DCP1A: variants seen among roughly 807,000 people sequenced by gnomAD.
DCP1A encodes the protein mRNA-decapping enzyme 1A.
DCP1A carries 20 observed loss-of-function variants against 58.0 expected under a neutral mutation model. The ratio of observed to expected loss-of-function variants is 0.34; its 90% CI spans 0.24 to 0.50. The LOEUF is 0.50. DCP1A is among the 20% of genes least tolerant of loss of function. DCP1A has a pLI of 0.98. For missense variants in DCP1A, 613 were observed against 712.2 expected, an observed-to-expected ratio of 0.86 and a Z score of 1.59; for synonymous variants, 285 against 275.1, an observed-to-expected ratio of 1.04 and a Z score of -0.36.
chr3:53,294,838 C>G (rs73080271), intron 6 of DCP1A, among the ~76,000 whole-genome samples: 25,022 of 152,242 alleles, frequency 0.16, 2,556 homozygotes, highest in Middle Eastern at 0.29. Context: ...GCACTCCTAA[C>G]AACATGGAAA....
At chr3:53,343,332 G>A (rs935413298) in intron 2 of DCP1A, among the ~76,000 whole-genome samples, 1 of 152,114 alleles carries the variant, frequency 6.6e-6, no homozygotes, top group Non-Finnish European at 1.5e-5. Context: ...TTTATCCAAG[G>A]TACGCAAAAT....
chr3:53,345,184 C>T (rs1575627142), intron 1 of DCP1A, among the ~76,000 whole-genome samples: 1 of 152,114 alleles, frequency 6.6e-6, no homozygotes, highest in East Asian at 1.9e-4. Flanking sequence ...TCTGTATCTG[C>T]AGTATTTTTC....
rs1325037355 is a variant in DCP1A, at chr3:53,287,484, G to C, written c.*96C>G. Reference sequence around the variant, plus strand: ...TCTCTTTCTCATAGGCTCAATTTCAGGATTCTCAAACTCAATGTTCTGCTC... The same window carrying C: ...TCTCTTTCTCATAGGCTCAATTTCACGATTCTCAAACTCAATGTTCTGCTC... On this transcript the variant is annotated 3_prime_UTR_variant, in exon 10 of 10. Coordinates refer to ENST00000610213, the MANE Select transcript of DCP1A (RefSeq NM_018403.7). The C allele has an allele frequency of 1.3e-6, 1 of 757,728 alleles. No homozygotes were observed. Among genetic ancestry groups the C allele is most frequent in the African/African-American group, 1.8e-5 (1 of 55,640 alleles). The allele number at this position is 757,728 out of a possible 1,614,324, so 46.9% of individuals were successfully genotyped here.
At chr3:53,319,549 C>T (rs1707903256) in intron 3 of DCP1A, 76 bp from the exon 4 acceptor site, 1 of 895,122 alleles carries the variant, frequency 1.1e-6, no homozygotes, top group African/African-American at 1.7e-5. Flanking sequence ...AATATATTAT[C>T]ATCATGGAAT....
intron 3 of DCP1A, chr3:53,329,440 T>C (rs2088942341): frequency 1.3e-5 from 5 of 398,444 alleles, no homozygotes; most frequent in Non-Finnish European, 2.2e-5. Context: ...CTCTGGCTTT[T>C]GGAGGTAAGT....
rs572068907 is a variant in DCP1A at position 53,331,881 on chromosome 3, T to A, written c.304+10263A>T. 7.2e-4 allele frequency among the ~76,000 whole-genome samples: 109 copies of A among 152,356 alleles called. 1 individual carries two copies. The highest frequency in any genetic ancestry group is 2.6e-3 in the African/African-American group (108 of 41,588). Reference sequence around the variant, plus strand: ...ACTGGTCTTGAGGAAAAACATCTTCTAAGAGAAGTATTACTCGGTGAGGTG... The same window carrying A: ...ACTGGTCTTGAGGAAAAACATCTTCAAAGAGAAGTATTACTCGGTGAGGTG... On this transcript the variant is annotated intron_variant, in intron 3 of 9. Transcript: ENST00000610213.
intron 6 of DCP1A, among the ~76,000 whole-genome samples, chr3:53,302,694 C>T (rs1264667966): frequency 7.2e-5 from 11 of 152,150 alleles, no homozygotes; most frequent in Admixed American, 7.2e-4. Flanking sequence ...GCAATCACGG[C>T]TCACTGCAAC....
intron 6 of DCP1A, among the ~76,000 whole-genome samples, chr3:53,303,258 G>A (rs1397252646): frequency 6.6e-6 from 1 of 151,152 alleles, no homozygotes; most frequent in Non-Finnish European, 1.5e-5. Context: ...TCCAAGGGGT[G>A]TTACTGTTAT....
At chr3:53,335,602 G>A (rs556148315) in intron 3 of DCP1A, among the ~76,000 whole-genome samples, 1 of 152,222 alleles carries the variant, frequency 6.6e-6, no homozygotes, top group South Asian at 2.1e-4. Flanking sequence ...AAATGTTAGA[G>A]TTTATAATTC....
chr3:53,323,059 C>T (rs536087925), intron 3 of DCP1A, among the ~76,000 whole-genome samples: 2 of 152,148 alleles, frequency 1.3e-5, no homozygotes, highest in South Asian at 2.1e-4. Context: ...CTCCTGACCT[C>T]GTGATCCGCC....
rs1167830951 is a variant in DCP1A, at chr3:53,314,667, CTTTT to C, written c.372-2292_372-2289del. 0.015 allele frequency among the ~76,000 whole-genome samples: 1,322 copies of C among 86,746 alleles called. 50 individuals carry two copies. In the South Asian group the frequency reaches 0.19, roughly 12 times the overall value. The allele number at this position is 86,746 out of a possible 152,430, so 56.9% of individuals were successfully genotyped here. A position where few individuals can be genotyped will look rare whatever the true frequency, so the allele number is the denominator to read the frequency against. Reference sequence around the variant, plus strand: ...AGAGAAGAATATTTCTTTTCTTTTTCTTTTTTTTTTTTTTTTTTTTTTGAGACAG... The same window carrying C: ...AGAGAAGAATATTTCTTTTCTTTTTCTTTTTTTTTTTTTTTTTTGAGACAG... On this transcript the variant is annotated intron_variant, in intron 4 of 9. Coordinates refer to ENST00000610213, the MANE Select transcript of DCP1A (RefSeq NM_018403.7).
intron 3 of DCP1A, among the ~76,000 whole-genome samples, chr3:53,338,441 A>G (rs77641057): frequency 0.016 from 2,368 of 151,844 alleles, 64 homozygotes; most frequent in African/African-American, 0.055. Flanking sequence ...CACCACCACC[A>G]CCACTACCCC....
rs150159978 is a variant in DCP1A at position 53,287,595 on chromosome 3, G to A, written c.1734C>T (p.Asp578=). ...VYLQVLTKNK[D]NHNL Reference sequence around the variant, plus strand: ...TCTGCTCCAGTCATAGGTTGTGGTTGTCTTTGTTCTTGGTCAGAACCTGCA... The same window carrying A: ...TCTGCTCCAGTCATAGGTTGTGGTTATCTTTGTTCTTGGTCAGAACCTGCA... The change falls in exon 10 of 10, where the codon GAC becomes GAT. Residue 578 remains aspartate, a synonymous_variant. Coordinates refer to ENST00000610213, the MANE Select transcript of DCP1A (RefSeq NM_018403.7). 3.7e-6 allele frequency: 6 copies of A among 1,609,940 alleles called. No individual in the cohort carries two copies. The East Asian group carries it at 1.3e-4, about 36-fold the overall frequency.
At chr3:53,337,697 A>C (rs995010933) in intron 3 of DCP1A, among the ~76,000 whole-genome samples, 1 of 152,240 alleles carries the variant, frequency 6.6e-6, no homozygotes, top group Non-Finnish European at 1.5e-5. Context: ...GAATGACTAA[A>C]TAGGACGCAT....
intron 4 of DCP1A, 26 bp downstream of exon 4, chr3:53,319,381 T>G: frequency 4.2e-6 from 6 of 1,426,916 alleles, no homozygotes; most frequent in Non-Finnish European, 5.7e-6. Flanking sequence ...ATATCATCAG[T>G]TAAATTTATG....
At chr3:53,302,480 T>G (rs1013197850) in intron 6 of DCP1A, among the ~76,000 whole-genome samples, 1 of 152,080 alleles carries the variant, frequency 6.6e-6, no homozygotes, top group African/African-American at 2.4e-5. Flanking sequence ...AAAACAAAAC[T>G]GTTTTACATG....
chr3:53,293,425 C>T (rs1010201085), intron 6 of DCP1A, among the ~76,000 whole-genome samples: 4 of 152,252 alleles, frequency 2.6e-5, no homozygotes, highest in Middle Eastern at 3.4e-3. Context: ...GAAAAACATT[C>T]GTGTTTTCCT....
At chr3:53,322,181 G>A (rs62256968) in intron 3 of DCP1A, among the ~76,000 whole-genome samples, 25,003 of 152,090 alleles carry the variant, frequency 0.16, 2,545 homozygotes, top group Middle Eastern at 0.28. Flanking sequence ...GGCTGGGCAC[G>A]GTGGCTCATG....
intron 3 of DCP1A, among the ~76,000 whole-genome samples, chr3:53,327,861 G>A (rs891016429): frequency 1.3e-5 from 2 of 151,622 alleles, no homozygotes; most frequent in African/African-American, 4.8e-5. Flanking sequence ...GGTGGCTCAC[G>A]TCTGTAATCC....
Sources: allele counts gnomAD v4.1 joint callset (sites outside exome capture counted in the v4.1 genomes callset), GRCh38; gene constraint gnomAD v4.1.1; transcripts MANE v1.5; gene names NCBI Gene and HGNC (gene_info 2026-07-23, HGNC 2026-07-21).